The following KCNIP4 variants were observed in gnomAD, a reference collection of about 807,000 sequenced individuals.
KCNIP4 encodes the protein potassium voltage-gated channel interacting protein 4.
A neutral mutation model predicts 34.0 loss-of-function variants in KCNIP4; 12 were observed. That is an observed-to-expected ratio of 0.35 (90% CI 0.23 to 0.57). KCNIP4 has a LOEUF of 0.57. KCNIP4 is among the 20% of genes least tolerant of loss of function. The pLI is 0.83. For synonymous variants in KCNIP4, 124 were observed against 102.2 expected (o/e 1.21, Z -1.29); for missense variants, 238 against 311.7 (o/e 0.76, Z 1.78).
chr4:21,544,099 T>C (rs896518255), intron 1 of KCNIP4, among the ~76,000 whole-genome samples: 19 of 152,276 alleles, frequency 1.2e-4, no homozygotes, highest in African/African-American at 4.6e-4. Context: ...GGAGTTCATA[T>C]TTTCCGGATG....
chr4:21,483,084 G>T (rs1731580058), intron 1 of KCNIP4, among the ~76,000 whole-genome samples: 1 of 132,576 alleles, frequency 7.5e-6, no homozygotes, highest in South Asian at 2.9e-4. Context: ...GTTGTGGGGT[G>T]GGGGAGGGGG....
At chr4:20,758,954 A>G (rs1182414912) in intron 3 of KCNIP4, 64 bp from the exon 4 acceptor site, 1 of 1,290,038 alleles carries the variant, frequency 7.8e-7, no homozygotes, top group Non-Finnish European at 1.1e-6. Flanking sequence ...TTTTTTGCAC[A>G]TTTTGAAACA....
At chr4:21,595,316 T>G (rs997054578) in intron 1 of KCNIP4, among the ~76,000 whole-genome samples, 5 of 152,176 alleles carry the variant, frequency 3.3e-5, no homozygotes, top group African/African-American at 1.2e-4. Flanking sequence ...GCACAGGACA[T>G]GAACTCATTC....
chr4:21,756,202 T>C (rs924542304), intron 1 of KCNIP4, among the ~76,000 whole-genome samples: 14 of 152,292 alleles, frequency 9.2e-5, no homozygotes, highest in Admixed American at 2.0e-4. Context: ...GATCTTTAGA[T>C]GGTTTTAGTC....
intron 3 of KCNIP4, among the ~76,000 whole-genome samples, chr4:20,792,790 T>G (rs368468911): frequency 2.7e-4 from 41 of 152,020 alleles, no homozygotes; most frequent in African/African-American, 7.9e-4. Context: ...CAAAGAGAAA[T>G]AGATGCATCA....
At chr4:21,736,282 T>C (rs1034502) in intron 1 of KCNIP4, among the ~76,000 whole-genome samples, 18,210 of 152,094 alleles carry the variant, frequency 0.12, 3,724 homozygotes, top group African/African-American at 0.42. Flanking sequence ...CCCTATTAAT[T>C]TCTCACTAGA....
At chr4:21,322,502 C>T (rs2109304822) in intron 1 of KCNIP4, among the ~76,000 whole-genome samples, 1 of 152,248 alleles carries the variant, frequency 6.6e-6, no homozygotes, top group East Asian at 1.9e-4. Flanking sequence ...ACCATCCTGG[C>T]ACACATTCTC....
chr4:21,053,858 A>G (rs1743152658), intron 1 of KCNIP4, among the ~76,000 whole-genome samples: 1 of 152,194 alleles, frequency 6.6e-6, no homozygotes, highest in Non-Finnish European at 1.5e-5. Context: ...AACAAAATCA[A>G]AGAAGACTAA....
At chr4:21,638,317 TTC>T (rs1746371113) in intron 1 of KCNIP4, among the ~76,000 whole-genome samples, 1 of 152,178 alleles carries the variant, frequency 6.6e-6, no homozygotes, top group Non-Finnish European at 1.5e-5. Context: ...GTCTTCTGAA[TTC>T]TGGTCTGTTT....
In KCNIP4 at chr4:21,909,568, AACT is replaced by A. The variant is rs539431873; in HGVS notation, c.61+39000_61+39002del. Reference sequence around the variant, plus strand: ...TTTGCTTTGGGTTTACTCGTGTGTTAACTTCTTTATGTATGCAAGCTGCATTAA... The same window carrying A: ...TTTGCTTTGGGTTTACTCGTGTGTTATCTTTATGTATGCAAGCTGCATTAA... On this transcript the variant is annotated intron_variant, in intron 1 of 8. Transcript: ENST00000382152. 1.5e-4 allele frequency among the ~76,000 whole-genome samples: 23 copies of A among 152,214 alleles called. No homozygotes were observed. The South Asian group carries it at 2.5e-3, about 16-fold the overall frequency.
intron 1 of KCNIP4, among the ~76,000 whole-genome samples, chr4:21,094,938 T>C (rs1747332282): frequency 6.6e-6 from 1 of 152,126 alleles, no homozygotes; most frequent in African/African-American, 2.4e-5. Flanking sequence ...AGAGCCTGAG[T>C]CCTTAACCTT....
intron 1 of KCNIP4, among the ~76,000 whole-genome samples, chr4:21,329,905 T>C (rs948946511): frequency 3.3e-5 from 5 of 152,212 alleles, no homozygotes; most frequent in Non-Finnish European, 5.9e-5. Context: ...TTTTCAGGTC[T>C]ACCAGCTTGT....
chr4:20,831,502 C>T (rs910116569), intron 3 of KCNIP4, among the ~76,000 whole-genome samples: 1 of 152,256 alleles, frequency 6.6e-6, no homozygotes, highest in South Asian at 2.1e-4. Flanking sequence ...CATGGCCACA[C>T]TTCTTGAAAA....
At chr4:21,138,100 G>A (rs1469034127) in intron 1 of KCNIP4, among the ~76,000 whole-genome samples, 1 of 152,020 alleles carries the variant, frequency 6.6e-6, no homozygotes, top group Non-Finnish European at 1.5e-5. Flanking sequence ...TCGAACTCGT[G>A]ACCTCAAGTG....
intron 1 of KCNIP4, among the ~76,000 whole-genome samples, chr4:21,303,182 G>T (rs1391392565): frequency 1.3e-5 from 2 of 152,150 alleles, no homozygotes; most frequent in Non-Finnish European, 2.9e-5. Context: ...AGCCTCTAAT[G>T]AACATAAACA....
intron 1 of KCNIP4, among the ~76,000 whole-genome samples, chr4:21,565,069 G>A (rs1739751615): frequency 6.6e-6 from 1 of 152,136 alleles, no homozygotes; most frequent in African/African-American, 2.4e-5. Flanking sequence ...AGTGACCCAA[G>A]GCAAGTTGCA....
intron 1 of KCNIP4, among the ~76,000 whole-genome samples, chr4:21,823,156 C>A (rs1722470194): frequency 6.6e-6 from 1 of 152,016 alleles, no homozygotes; most frequent in Non-Finnish European, 1.5e-5. Flanking sequence ...CACCTTCTTT[C>A]TTTTCTGAAA....
chr4:20,914,648 C>T (rs1728636487), intron 1 of KCNIP4, among the ~76,000 whole-genome samples: 1 of 152,148 alleles, frequency 6.6e-6, no homozygotes, highest in South Asian at 2.1e-4. Context: ...TCACTATAGG[C>T]ACTTAGAGAT....
In KCNIP4 at chr4:20,861,970, GTTATTATTATTA is replaced by G. The variant is rs57269885; in HGVS notation, c.164-11315_164-11304del. On this transcript the variant is annotated intron_variant, in intron 2 of 8. Coordinates refer to ENST00000382152, the MANE Select transcript of KCNIP4 (RefSeq NM_025221.6). Reference sequence around the variant, plus strand: ...TCATGAATGGCCCCTTATGGTAGGAGTTATTATTATTATTATTATTATTATTATTATTATTAT... The same window carrying G: ...TCATGAATGGCCCCTTATGGTAGGAGTTATTATTATTATTATTATTATTAT... Among the ~76,000 whole-genome samples the G allele has an allele frequency of 1.9e-3, 270 of 142,100 alleles. 4 individuals are homozygous for G. In the East Asian group the frequency reaches 0.048, roughly 25 times the overall value. 93.2% of individuals were successfully genotyped at this position (142,100 alleles called of 152,430 possible).
Sources: allele counts gnomAD v4.1 joint callset (sites outside exome capture counted in the v4.1 genomes callset), GRCh38; gene constraint gnomAD v4.1.1; transcripts MANE v1.5; gene names NCBI Gene and HGNC (gene_info 2026-07-23, HGNC 2026-07-21).